ZRANB3: variants seen among roughly 807,000 people sequenced by gnomAD.
ZRANB3 encodes zinc finger RANBP2-type containing 3.
A neutral mutation model predicts 133.8 loss-of-function variants in ZRANB3; 125 were observed. The observed-to-expected ratio is 0.93, with a 90% confidence interval of 0.81 to 1.08. The LOEUF is 1.08. ZRANB3 is among the 50% of genes least tolerant of loss of function. ZRANB3 has a pLI of 0.00. For synonymous variants in ZRANB3, 387 were observed against 432.7 expected, an observed-to-expected ratio of 0.89 and a Z score of 1.31; for missense variants, 1,229 against 1,275.5, an observed-to-expected ratio of 0.96 and a Z score of 0.56.
intron 2 of ZRANB3, among the ~76,000 whole-genome samples, chr2:135,432,206 C>A (rs947791886): frequency 6.6e-6 from 1 of 152,018 alleles, no homozygotes; most frequent in African/African-American, 2.4e-5. Flanking sequence ...GCTGAGATTG[C>A]GCCATTGAAC....
At position 135,426,864 on chromosome 2, in the gene ZRANB3, ATATATATATATATATATATATATAT is replaced by A. The variant is rs1418671996; in HGVS notation, c.162-36069_162-36045del. Among the ~76,000 whole-genome samples, 7 of 4,574 alleles carry A rather than the reference ATATATATATATATATATATATATAT, an allele frequency of 1.5e-3. 1 individual carries two copies. Among genetic ancestry groups the A allele is most frequent in the Admixed American group, 3.8e-3 (1 of 266 alleles). 3.0% of individuals were successfully genotyped at this position (4,574 alleles called of 152,430 possible). A position where few individuals can be genotyped will look rare whatever the true frequency, so the allele number is the denominator to read the frequency against. ...AAAAAAAAAAAAAAAAAAAAAAAAA[ATATATATATATATATATATATATAT>A]ATATATATATATATATATATATGTG... On this transcript the variant is annotated intron_variant, in intron 2 of 20. Transcript: ENST00000264159.
At chr2:135,382,031 G>A (rs1296478235) in intron 3 of ZRANB3, among the ~76,000 whole-genome samples, 1 of 152,060 alleles carries the variant, frequency 6.6e-6, no homozygotes, top group Non-Finnish European at 1.5e-5. Context: ...GGCTTCAGAC[G>A]ATCAAACTTC....
intron 8 of ZRANB3, among the ~76,000 whole-genome samples, chr2:135,284,294 A>G (rs1681241178): frequency 1.3e-5 from 2 of 152,242 alleles, no homozygotes; most frequent in African/African-American, 4.8e-5. Flanking sequence ...CATAGTGAAC[A>G]TTATAAAAGT....
Position 135,393,885 on chromosome 2 carries a change from T to A in ZRANB3, c.162-3065A>T, listed in dbSNP as rs182439721. Among the ~76,000 whole-genome samples the A allele has an allele frequency of 2.0e-5, 3 of 151,878 alleles. No individual in the cohort carries two copies. In the East Asian group the frequency reaches 5.8e-4, roughly 29 times the overall value. Reference sequence around the variant, plus strand: ...ATTAACCTTTTTTTTTTAGATGGAGTCTCACTCTGTTTTCCTGGCTGGAGT... The same window carrying A: ...ATTAACCTTTTTTTTTTAGATGGAGACTCACTCTGTTTTCCTGGCTGGAGT... On this transcript the variant is annotated intron_variant, in intron 2 of 20. Transcript: ENST00000264159.
intron 3 of ZRANB3, among the ~76,000 whole-genome samples, chr2:135,372,611 C>T (rs1438696828): frequency 6.6e-6 from 1 of 151,854 alleles, no homozygotes; most frequent in Non-Finnish European, 1.5e-5. Flanking sequence ...CATGGTGAAA[C>T]CCGTCTCTAC....
intron 5 of ZRANB3, among the ~76,000 whole-genome samples, chr2:135,346,206 C>G (rs2104867396): frequency 6.6e-6 from 1 of 152,344 alleles, no homozygotes; most frequent in South Asian, 2.1e-4. Context: ...ACGCCATTCT[C>G]TCGCCTCAGC....
chr2:135,322,754 C>T (rs546972002), intron 6 of ZRANB3, among the ~76,000 whole-genome samples: 44 of 151,976 alleles, frequency 2.9e-4, no homozygotes, highest in African/African-American at 9.4e-4. Flanking sequence ...CAGTGGCTCA[C>T]GCCTGTAATC....
intron 3 of ZRANB3, among the ~76,000 whole-genome samples, chr2:135,360,471 C>T (rs534091101): frequency 2.0e-5 from 3 of 152,128 alleles, no homozygotes; most frequent in South Asian, 2.1e-4. Flanking sequence ...TTTGGGAGGC[C>T]AAGGTGGGCG....
At chr2:135,240,632 G>A (rs1695509682) in intron 12 of ZRANB3, among the ~76,000 whole-genome samples, 1 of 152,182 alleles carries the variant, frequency 6.6e-6, no homozygotes, top group African/African-American at 2.4e-5. Flanking sequence ...AGGTTGGAGT[G>A]TAGTGGTGCA....
chr2:135,417,057 C>T (rs1421594400), intron 2 of ZRANB3, among the ~76,000 whole-genome samples: 1 of 152,114 alleles, frequency 6.6e-6, no homozygotes, highest in Admixed American at 6.6e-5. Flanking sequence ...TGGGCAAGGA[C>T]TTCATGACTA....
Position 135,476,691 on chromosome 2 carries a change from CTTTT to C in ZRANB3, c.161+27634_161+27637del, listed in dbSNP as rs774332012. On this transcript the variant is annotated intron_variant, in intron 2 of 20. Coordinates refer to ENST00000264159, the MANE Select transcript of ZRANB3 (RefSeq NM_032143.4). ...TATTGAGCTCTCCATATTTCTTTTCCTTTTTTTTTTTTTTTTTCTTTTCTTTTTT... is the reference window on the plus strand; with the variant it reads ...TATTGAGCTCTCCATATTTCTTTTCCTTTTTTTTTTTTTCTTTTCTTTTTT... 2.5e-4 allele frequency among the ~76,000 whole-genome samples: 34 copies of C among 135,552 alleles called. 1 individual carries two copies. The Middle Eastern group carries it at 0.011, about 46-fold the overall frequency. 88.9% of individuals were successfully genotyped at this position (135,552 alleles called of 152,430 possible). A position where few individuals can be genotyped will look rare whatever the true frequency, so the allele number is the denominator to read the frequency against.
At position 135,324,230 on chromosome 2, in the gene ZRANB3, C is replaced by G. The variant is rs4538256; in HGVS notation, c.678-8700G>C. ...ATATCTCCTAATGCTATCCCTCCCC[C>G]CTCCCCTCACCCCACAACAGGCCCC... On this transcript the variant is annotated intron_variant, in intron 6 of 20. Transcript: ENST00000264159. 5.9e-3 allele frequency among the ~76,000 whole-genome samples: 842 copies of G among 143,418 alleles called. 8 individuals are homozygous for G. The highest frequency in any genetic ancestry group is 0.02 in the African/African-American group (776 of 39,714). The allele number at this position is 143,418 out of a possible 152,430, so 94.1% of individuals were successfully genotyped here. A position where few individuals can be genotyped will look rare whatever the true frequency, so the allele number is the denominator to read the frequency against.
intron 20 of ZRANB3, among the ~76,000 whole-genome samples, chr2:135,201,735 C>A (rs1693635917): frequency 6.6e-6 from 1 of 151,446 alleles, no homozygotes; most frequent in Non-Finnish European, 1.5e-5. Flanking sequence ...AAATAGTACT[C>A]AAAAGTTTAA....
intron 3 of ZRANB3, among the ~76,000 whole-genome samples, chr2:135,363,427 G>T (rs1412455070): frequency 2.0e-5 from 3 of 152,154 alleles, no homozygotes; most frequent in African/African-American, 4.8e-5. Context: ...TCATTCAACA[G>T]TACCATTCCT....
chr2:135,486,820 C>G (rs1417088926), intron 2 of ZRANB3, among the ~76,000 whole-genome samples: 1 of 152,172 alleles, frequency 6.6e-6, no homozygotes, highest in Non-Finnish European at 1.5e-5. Flanking sequence ...GTCCCCTCTA[C>G]TGAAGTCTTG....
At chr2:135,202,056 CA>C (rs1200448517) in intron 20 of ZRANB3, among the ~76,000 whole-genome samples, 3 of 151,832 alleles carry the variant, frequency 2.0e-5, no homozygotes, top group South Asian at 2.1e-4. Flanking sequence ...TATATAAAAG[CA>C]AAAAAATTTA....
intron 2 of ZRANB3, among the ~76,000 whole-genome samples, chr2:135,419,205 G>A (rs1167839723): frequency 6.6e-6 from 1 of 151,666 alleles, no homozygotes; most frequent in Non-Finnish European, 1.5e-5. Context: ...CCAAAATGCT[G>A]GGATTACAGG....
At chr2:135,445,123 T>C (rs571384540) in intron 2 of ZRANB3, among the ~76,000 whole-genome samples, 3 of 152,060 alleles carry the variant, frequency 2.0e-5, no homozygotes, top group African/African-American at 7.2e-5. Context: ...CAGTCAAGAG[T>C]AGGCTGGTTT....
At chr2:135,465,737 C>A (rs1479922382) in intron 2 of ZRANB3, among the ~76,000 whole-genome samples, 6 of 152,140 alleles carry the variant, frequency 3.9e-5, no homozygotes, top group Non-Finnish European at 8.8e-5. Flanking sequence ...AGGCAACCTA[C>A]AGAATGGGAG....
Sources: allele counts gnomAD v4.1 joint callset (sites outside exome capture counted in the v4.1 genomes callset), GRCh38; gene constraint gnomAD v4.1.1; transcripts MANE v1.5; gene names NCBI Gene and HGNC (gene_info 2026-07-23, HGNC 2026-07-21).